GIN1: variants seen among roughly 807,000 people sequenced by gnomAD.
The protein encoded by GIN1 is gypsy retrotransposon integrase-like protein 1.
Under a neutral mutation model 51.4 loss-of-function variants are expected in GIN1, and 41 were observed. The observed-to-expected ratio is 0.80, with a 90% CI of 0.62 to 1.04. The LOEUF (loss-of-function observed/expected upper bound fraction) is 1.04, where lower values mean the gene tolerates loss of function less well. Among genes scored for constraint, GIN1 ranks in the 50% least tolerant of loss-of-function variants. The pLI, the probability that GIN1 is intolerant of heterozygous loss-of-function variation, is 0.00. For missense variants in GIN1, 610 were observed against 612.4 expected (o/e 1.00, Z 0.04); for synonymous variants, 222 against 206.5 (o/e 1.07, Z -0.64).
chr5:103,117,581 T>TAC (rs3836841), intron 1 of GIN1, among the ~76,000 whole-genome samples: 1,652 of 149,472 alleles, frequency 0.011, 27 homozygotes, highest in African/African-American at 0.032. Flanking sequence ...GAAAAAAATA[T>TAC]ACACACACAC....
intron 4 of GIN1, among the ~76,000 whole-genome samples, chr5:103,103,325 T>C (rs187928399): frequency 7.7e-4 from 118 of 152,352 alleles, no homozygotes; most frequent in African/African-American, 2.8e-3. Flanking sequence ...AACTTGTACC[T>C]GGTTCTCCCA....
chr5:103,117,467 T>C (rs1788067847), intron 1 of GIN1, among the ~76,000 whole-genome samples: 1 of 151,718 alleles, frequency 6.6e-6, no homozygotes, highest in Admixed American at 6.6e-5. Context: ...TAGCAGAGCA[T>C]ATATAGAACC....
chr5:103,118,077 G>C (rs1031392823), intron 1 of GIN1, among the ~76,000 whole-genome samples: 1 of 152,096 alleles, frequency 6.6e-6, no homozygotes, highest in Non-Finnish European at 1.5e-5. Context: ...ATAATGTTCA[G>C]AACACAGTGG....
chr5:103,090,260 G>A (rs1231989176), intron 7 of GIN1, among the ~76,000 whole-genome samples: 2 of 152,216 alleles, frequency 1.3e-5, no homozygotes, highest in Non-Finnish European at 2.9e-5. Context: ...TTGCACTCCA[G>A]CCTAGGTGAC....
chr5:103,095,570 T>C (rs12332762), intron 7 of GIN1, among the ~76,000 whole-genome samples: 23,051 of 152,242 alleles, frequency 0.15, 2,161 homozygotes, highest in Middle Eastern at 0.22. Flanking sequence ...ATGTTTGTTT[T>C]TGGCATTAAT....
At chr5:103,107,105 TAGGA>T (rs1168989281) in intron 2 of GIN1, among the ~76,000 whole-genome samples, 196 bp from the exon 3 acceptor site, 4 of 152,052 alleles carry the variant, frequency 2.6e-5, no homozygotes, top group African/African-American at 9.7e-5. Context: ...ACTAGATACT[TAGGA>T]AGGGCAGTAG....
Position 103,106,925 on chromosome 5 carries a change from C to T in GIN1, c.140-16G>A, listed in dbSNP as rs1554196370. On this transcript the variant is annotated splice_polypyrimidine_tract_variant and intron_variant, in intron 2 of 7. Coordinates refer to ENST00000399004, the MANE Select transcript of GIN1 (RefSeq NM_017676.2). ...AGCTTTTTTTCTGGAATAAATGATACCAAAAGATAGAATTGCAATTTTTAG... is the reference window on the plus strand; with the variant it reads ...AGCTTTTTTTCTGGAATAAATGATATCAAAAGATAGAATTGCAATTTTTAG... The T allele has an allele frequency of 1.6e-5, 23 of 1,417,932 alleles. No homozygotes were observed. In the Admixed American group the frequency reaches 2.5e-4, roughly 15 times the overall value. The allele number at this position is 1,417,932 out of a possible 1,614,324, so 87.8% of individuals were successfully genotyped here.
chr5:103,088,025 T>C lies in GIN1; in HGVS notation c.1442A>G (p.Lys481Arg), dbSNP rs781859508. 2 of 1,609,874 alleles carry C rather than the reference T, an allele frequency of 1.2e-6. No homozygotes were observed. The highest frequency in any genetic ancestry group is 1.7e-6 in the Non-Finnish European group (2 of 1,176,350). The change falls in exon 8 of 8, where the codon AAG (lysine) becomes AGG (arginine). Residue 481 changes from lysine to arginine, a missense_variant. Transcript: ENST00000399004. ...TCTATATTCTAATAGTTCACGATCCTTGCTTGATGTCAGTAATTCATTATC... is the reference window on the plus strand; with the variant it reads ...TCTATATTCTAATAGTTCACGATCCCTGCTTGATGTCAGTAATTCATTATC... The part of the protein sequence containing the change: ...IVDNELLTSS[K>R]DRELLEYRNT...
At chr5:103,104,414 C>A (rs2151470905) in intron 4 of GIN1, 127 bp downstream of exon 4, 2 of 596,640 alleles carry the variant, frequency 3.4e-6, no homozygotes, top group East Asian at 5.5e-5. Flanking sequence ...TAATATCATA[C>A]CTCTATACCT....
chr5:103,097,644 G>A lies in GIN1; in HGVS notation c.777C>T (p.Asn259=). The change falls in exon 5 of 8, where the codon AAC becomes AAT. Residue 259 remains asparagine, a synonymous_variant. Coordinates refer to ENST00000399004, the MANE Select transcript of GIN1 (RefSeq NM_017676.2). The part of the protein sequence containing the change: ...FLSKHCADHP[N]NWDDHLSAVS... ...CAGCTGATAGGTGATCATCCCAATT[G>A]TTTGGGTGGTCAGCACAGTGTTTGG... is the stretch of plus-strand genomic sequence containing the variant. 1 of 1,611,514 alleles carries A rather than the reference G, an allele frequency of 6.2e-7. No individual in the cohort carries two copies. The highest frequency in any genetic ancestry group is 8.5e-7 in the Non-Finnish European group (1 of 1,177,740).
intron 3 of GIN1, 57 bp from the exon 4 acceptor site, chr5:103,104,903 T>C (rs950714656): frequency 9.7e-7 from 1 of 1,035,890 alleles, no homozygotes. Flanking sequence ...CAACACAATA[T>C]AAAAGCAGTC....
chr5:103,116,377 G>A (rs1394556292), intron 1 of GIN1, among the ~76,000 whole-genome samples: 2 of 152,192 alleles, frequency 1.3e-5, no homozygotes, highest in South Asian at 2.1e-4. Context: ...ATTCAATGAA[G>A]AAAGGATAAT....
At chr5:103,116,680 T>C (rs1330500436) in intron 1 of GIN1, among the ~76,000 whole-genome samples, 1 of 152,030 alleles carries the variant, frequency 6.6e-6, no homozygotes, top group Non-Finnish European at 1.5e-5. Flanking sequence ...ATATCTGCAA[T>C]ACATACATAT....
intron 1 of GIN1, among the ~76,000 whole-genome samples, chr5:103,115,487 A>T (rs1366127734): frequency 6.6e-6 from 1 of 152,132 alleles, no homozygotes; most frequent in Admixed American, 6.5e-5. Context: ...ATACAGACAG[A>T]AAGAATAATG....
chr5:103,109,820 G>A (rs1344421438), intron 1 of GIN1, among the ~76,000 whole-genome samples: 2 of 151,684 alleles, frequency 1.3e-5, no homozygotes, highest in Admixed American at 1.3e-4. Context: ...TCTCAAAGAT[G>A]AATGGATGAG....
At chr5:103,101,870 A>C (rs1554195826) in intron 4 of GIN1, among the ~76,000 whole-genome samples, 1 of 152,192 alleles carries the variant, frequency 6.6e-6, no homozygotes, top group Non-Finnish European at 1.5e-5. Context: ...AGAAGTTCCA[A>C]TAGCCTTCCC....
intron 4 of GIN1, among the ~76,000 whole-genome samples, chr5:103,103,405 A>G (rs1184375022): frequency 6.6e-5 from 10 of 152,216 alleles, no homozygotes; most frequent in African/African-American, 2.2e-4. Context: ...CTCCTAGAGA[A>G]TTATGGAAAC....
Position 103,106,793 on chromosome 5 carries a change from G to C in GIN1, c.256C>G (p.His86Asp). Residue 86 changes from histidine to aspartate, a missense_variant, in exon 3 of 8, where the codon CAT becomes GAT. Coordinates refer to ENST00000399004, the MANE Select transcript of GIN1 (RefSeq NM_017676.2). ...ECHENDSGAH[H>D]GISRTLTLVE... ...AGAGTGAGGGTCCTGGATATACCATGATGAGCTCCACTGTCATTTTCATGG... is the reference window on the plus strand; with the variant it reads ...AGAGTGAGGGTCCTGGATATACCATCATGAGCTCCACTGTCATTTTCATGG... The C allele has an allele frequency of 1.9e-6, 3 of 1,604,816 alleles. No homozygotes were observed. Among genetic ancestry groups the C allele is most frequent in the Non-Finnish European group, 1.7e-6 (2 of 1,174,004 alleles).
intron 7 of GIN1, among the ~76,000 whole-genome samples, chr5:103,091,722 G>A (rs112890045): frequency 0.046 from 6,994 of 151,536 alleles, 542 homozygotes; most frequent in African/African-American, 0.16. Context: ...GGTGGCTCAC[G>A]CCTATAATCC....
Sources: gnomAD v4.1 joint callset for allele counts (sites outside exome capture counted in the v4.1 genomes callset) on GRCh38, gnomAD v4.1.1 for gene constraint, MANE v1.5 for transcripts, NCBI Gene and HGNC (gene_info 2026-07-23, HGNC 2026-07-21) for gene names.